MFN1: variants seen among roughly 807,000 people sequenced by gnomAD.
MFN1 encodes the protein mitofusin-1.
In MFN1, 65 loss-of-function variants were observed where a neutral mutation model predicts 92.4. That is an observed-to-expected ratio of 0.70 (90% CI 0.58 to 0.86). The LOEUF (loss-of-function observed/expected upper bound fraction) is 0.86. MFN1 is among the 40% of genes least tolerant of loss of function. MFN1 has a pLI of 0.00. For synonymous variants in MFN1, 297 were observed against 300.9 expected (o/e 0.99, Z 0.13); for missense variants, 781 against 868.0 (o/e 0.90, Z 1.26).
Position 179,364,352 on chromosome 3 carries a change from G to A in MFN1, c.592G>A (p.Asp198Asn), listed in dbSNP as rs1712699086. Residue 198 changes from aspartate to asparagine, a missense_variant, in exon 6 of 18, where the codon GAT (aspartate) becomes AAT (asparagine). Transcript: ENST00000471841. Reference sequence around the variant, plus strand: ...TAGCTGGATTGATAAGTTTTGCCTAGATGCTGATGTCTTTGTTTTGGTCGC... The same window carrying A: ...TAGCTGGATTGATAAGTTTTGCCTAAATGCTGATGTCTTTGTTTTGGTCGC... ...LDSWIDKFCLDADVFVLVANS... is the reference protein window; with the variant it reads ...LDSWIDKFCLNADVFVLVANS... 5.6e-6 allele frequency: 9 copies of A among 1,613,824 alleles called. No homozygotes were observed. The South Asian group carries it at 8.8e-5, about 16-fold the overall frequency.
Position 179,375,734 on chromosome 3 carries a change from T to G in MFN1, c.1097+393T>G, listed in dbSNP as rs970625590. On this transcript the variant is annotated intron_variant, in intron 10 of 17. Coordinates refer to ENST00000471841, the MANE Select transcript of MFN1 (RefSeq NM_033540.3). The stretch of plus-strand genomic sequence containing the variant: ...TTAATATGGTCATACATTGGTATTT[T>G]GAAATCACTATTTTATACTAGTTGT... 2.0e-5 allele frequency among the ~76,000 whole-genome samples: 3 copies of G among 152,260 alleles called. No homozygotes were observed. The East Asian group carries it at 5.8e-4, about 29-fold the overall frequency.
chr3:179,373,421 GA>G (rs915393391), intron 9 of MFN1, among the ~76,000 whole-genome samples: 14 of 152,224 alleles, frequency 9.2e-5, no homozygotes, highest in Middle Eastern at 3.4e-3. Flanking sequence ...TTAAAGGAAG[GA>G]TAGTAATGAA....
At chr3:179,363,914 ATATT>A (rs772686316) in intron 5 of MFN1, among the ~76,000 whole-genome samples, 6 of 152,120 alleles carry the variant, frequency 3.9e-5, no homozygotes, top group Non-Finnish European at 7.3e-5. Context: ...CTTTTTACAA[ATATT>A]TATTGTTGGC....
intron 3 of MFN1, among the ~76,000 whole-genome samples, chr3:179,356,579 A>T (rs1405908731): frequency 6.6e-6 from 1 of 152,142 alleles, no homozygotes; most frequent in African/African-American, 2.4e-5. Flanking sequence ...ATATCTAGTT[A>T]TGAAGTGTTC....
chr3:179,359,416 G>A (rs760430535), intron 4 of MFN1, among the ~76,000 whole-genome samples: 43 of 146,186 alleles, frequency 2.9e-4, no homozygotes, highest in Non-Finnish European at 5.5e-4. Flanking sequence ...CACTGCACCC[G>A]GCCTTTTTTT....
intron 2 of MFN1, among the ~76,000 whole-genome samples, chr3:179,351,097 G>C (rs1014695989): frequency 6.6e-6 from 1 of 152,108 alleles, no homozygotes; most frequent in Non-Finnish European, 1.5e-5. Flanking sequence ...GAGCCCCCAC[G>C]CCCACATGAA....
At chr3:179,390,643 CTG>C (rs1468465289) in intron 17 of MFN1, among the ~76,000 whole-genome samples, 5 of 152,186 alleles carry the variant, frequency 3.3e-5, no homozygotes, top group Non-Finnish European at 5.9e-5. Flanking sequence ...GGGGACAAGA[CTG>C]AAAGTGTCAC....
intron 3 of MFN1, among the ~76,000 whole-genome samples, chr3:179,355,404 C>G (rs1712310833): frequency 6.6e-6 from 1 of 152,134 alleles, no homozygotes. Context: ...TGGAGTTGCT[C>G]TGCTTCAAAC....
intron 9 of MFN1, among the ~76,000 whole-genome samples, chr3:179,372,284 G>A (rs940560437): frequency 2.0e-5 from 3 of 151,158 alleles, no homozygotes; most frequent in Admixed American, 6.6e-5. Context: ...GCAGTGATGA[G>A]TAGCATGTTA....
At position 179,375,265 on chromosome 3, in the gene MFN1, A is replaced by C. The variant is rs200339629; in HGVS notation, c.1021A>C (p.Thr341Pro). 1.1e-5 allele frequency: 18 copies of C among 1,614,046 alleles called. No homozygotes were observed. The change falls in exon 10 of 18, where the codon ACT (threonine) becomes CCT (proline). Residue 341 changes from threonine (T) to proline (P), a missense_variant. By Grantham distance (38) the Thr-to-Pro change is conservative. Transcript: ENST00000471841. ...SAVKTKFEQHTIRAKQILATV... is the reference protein window; with the variant it reads ...SAVKTKFEQHPIRAKQILATV... ...AGTGAAAACAAAGTTCGAACAGCACACTATCAGAGCTAAACAGATACTAGC... is the reference window on the plus strand; with the variant it reads ...AGTGAAAACAAAGTTCGAACAGCACCCTATCAGAGCTAAACAGATACTAGC...
intron 3 of MFN1, among the ~76,000 whole-genome samples, chr3:179,357,005 C>G (rs976123437): frequency 6.6e-6 from 1 of 152,014 alleles, no homozygotes; most frequent in East Asian, 1.9e-4. Context: ...GTGTAGAGGT[C>G]GTTGATTGGT....
chr3:179,390,657 A>G (rs1375076025), intron 17 of MFN1, among the ~76,000 whole-genome samples: 1 of 152,210 alleles, frequency 6.6e-6, no homozygotes, highest in Non-Finnish European at 1.5e-5. Context: ...AAGTGTCACC[A>G]TTCGGTCTGT....
chr3:179,375,357 G>T lies in MFN1; in HGVS notation c.1097+16G>T. ...AAGATAAAAGGTATGAGTTCATTTT[G>T]TTGCAACATAAAAATGTTAGTTTTT... On this transcript the variant is annotated intron_variant, in intron 10 of 17. Transcript: ENST00000471841. 6.2e-7 allele frequency: 1 copy of T among 1,608,502 alleles called. No individual in the cohort carries two copies. The highest frequency in any genetic ancestry group is 1.1e-5 in the South Asian group (1 of 90,000).
chr3:179,348,098 G>A (rs1711987102), intron 1 of MFN1: 1 of 151,934 alleles, frequency 6.6e-6, no homozygotes, highest in African/African-American at 2.4e-5. Flanking sequence ...GCCCGGTGTG[G>A]GAAGGTGGGA....
At chr3:179,349,885 C>T (rs1712075730) in intron 2 of MFN1, among the ~76,000 whole-genome samples, 1 of 152,094 alleles carries the variant, frequency 6.6e-6, no homozygotes, top group Non-Finnish European at 1.5e-5. Context: ...GGCGCCCTGA[C>T]TCACACCTGT....
intron 4 of MFN1, 43 bp downstream of exon 4, chr3:179,359,045 T>C: frequency 1.3e-6 from 2 of 1,509,414 alleles, no homozygotes; most frequent in Non-Finnish European, 1.8e-6. Flanking sequence ...CCTGAAACAA[T>C]GTCCTGAACT....
chr3:179,352,196 C>T (rs1712176565), intron 3 of MFN1, among the ~76,000 whole-genome samples, 161 bp downstream of exon 3: 1 of 152,130 alleles, frequency 6.6e-6, no homozygotes, highest in African/African-American at 2.4e-5. Flanking sequence ...TGCATTTTAC[C>T]TCCTGGTATA....
rs748632906 is a variant in MFN1 at position 179,390,147 on chromosome 3, AC to A, written c.2147+11del. On this transcript the variant is annotated intron_variant, in intron 17 of 17. Coordinates refer to ENST00000471841, the MANE Select transcript of MFN1 (RefSeq NM_033540.3). ...AATTCAAAGCTCTTAAGGTATTTAA[AC>A]CTTTCTTCTCAATAATTTGAACATT... The A allele has an allele frequency of 2.0e-6, 3 of 1,534,492 alleles. No homozygotes were observed. In the Admixed American group the frequency reaches 7.1e-5, roughly 36 times the overall value.
chr3:179,390,172 T>A, intron 17 of MFN1, 34 bp downstream of exon 17: 1 of 1,464,308 alleles, frequency 6.8e-7, no homozygotes, highest in Non-Finnish European at 9.1e-7. Flanking sequence ...AATTTGAACA[T>A]TTACTGGTCT....
Sources: allele counts gnomAD v4.1 joint callset (sites outside exome capture counted in the v4.1 genomes callset), GRCh38; gene constraint gnomAD v4.1.1; transcripts MANE v1.5; gene names NCBI Gene and HGNC (gene_info 2026-07-23, HGNC 2026-07-21).